Variants in NRK observed in about 807,000 individuals in gnomAD.
The protein encoded by NRK is nik-related protein kinase.
Under a neutral mutation model 125.2 loss-of-function variants are expected in NRK, and 67 were observed. The observed-to-expected ratio is 0.54, with a 90% CI of 0.44 to 0.66. The LOEUF is 0.66. Among genes scored for constraint, NRK ranks in the 30% least tolerant of loss-of-function variants. The pLI is 0.00. For missense variants in NRK, 1,224 were observed against 1,192.9 expected (o/e 1.03, Z -0.38); for synonymous variants, 458 against 429.0 (o/e 1.07, Z -0.84).
At chrX:105,947,442 C>CAA (rs753072138) in intron 26 of NRK, among the ~76,000 whole-genome samples, 25 of 17,594 alleles carry the variant, frequency 1.4e-3, no homozygotes, top group South Asian at 8.3e-3. Context: ...GACTCCGTCT[C>CAA]AAAAAAAAAA....
At chrX:105,840,832 T>C (rs900627790) in intron 2 of NRK, among the ~76,000 whole-genome samples, 1 of 106,607 alleles carries the variant, frequency 9.4e-6, no homozygotes, top group Non-Finnish European at 1.9e-5. Context: ...TATATATATG[T>C]ATGTATGTGT....
intron 4 of NRK, among the ~76,000 whole-genome samples, chrX:105,883,084 A>G (rs1346377375): frequency 8.9e-6 from 1 of 112,188 alleles, no homozygotes; most frequent in Non-Finnish European, 1.9e-5. Flanking sequence ...AAGCCAGGAA[A>G]TGCTGTAGCA....
chrX:105,880,260 T>C lies in NRK; in HGVS notation c.180+5T>C. ...AAAGTGATGAACGCTCGTAAGGTAA[T>C]ATTATAAATTGCCTGTATTCTCTTC... On this transcript the variant is annotated splice_donor_5th_base_variant and intron_variant, in intron 3 of 28. Coordinates refer to ENST00000243300, the MANE Select transcript of NRK (RefSeq NM_198465.4). The C allele has an allele frequency of 1.0e-6, 1 of 972,167 alleles. No homozygotes were observed. Among genetic ancestry groups the C allele is most frequent in the Non-Finnish European group, 1.4e-6 (1 of 720,665 alleles). The allele number at this position is 972,167 out of a possible 1,213,427, so 80.1% of individuals were successfully genotyped here. A position where few individuals can be genotyped will look rare whatever the true frequency, so the allele number is the denominator to read the frequency against.
Position 105,955,489 on chromosome X carries a change from T to G in NRK, c.4654-16T>G. On this transcript the variant is annotated splice_polypyrimidine_tract_variant and intron_variant, in intron 28 of 28. Transcript: ENST00000243300. ...TATTAAATATCTGTTGACAGTGTAT[T>G]TCTTTCTTTTTCAAGCTGTTCTTTA... 9.5e-7 allele frequency: 1 copy of G among 1,057,726 alleles called. No homozygotes were observed. Among genetic ancestry groups the G allele is most frequent in the Non-Finnish European group, 1.3e-6 (1 of 768,863 alleles). 87.2% of individuals were successfully genotyped at this position (1,057,726 alleles called of 1,213,427 possible). A position where few individuals can be genotyped will look rare whatever the true frequency, so the allele number is the denominator to read the frequency against.
chrX:105,856,899 A>G (rs1445240264), intron 2 of NRK, among the ~76,000 whole-genome samples: 1 of 110,803 alleles, frequency 9.0e-6, no homozygotes, highest in Non-Finnish European at 1.9e-5. Context: ...CAGGCATGTG[A>G]CCTCTCAATT....
At chrX:105,946,179 C>G (rs2040810194) in intron 25 of NRK, 136 bp from the exon 26 acceptor site, 5 of 728,224 alleles carry the variant, frequency 6.9e-6, no homozygotes, top group African/African-American at 2.2e-5. Flanking sequence ...ACACAGGTCT[C>G]TAAATACAAT....
chrX:105,893,647 G>A (rs887852222), intron 5 of NRK, among the ~76,000 whole-genome samples, 185 bp from the exon 6 acceptor site: 1 of 111,800 alleles, frequency 8.9e-6, no homozygotes, highest in South Asian at 3.7e-4. Context: ...CAAATCTTTG[G>A]TTTTAATCCA....
rs2039037955 is a variant in NRK at position 105,822,756 on chromosome X, C to T, written c.-90C>T. The T allele has an allele frequency of 2.3e-6, 2 of 879,357 alleles. No homozygotes were observed. Among genetic ancestry groups the T allele is most frequent in the Non-Finnish European group, 3.3e-6 (2 of 609,162 alleles). 72.5% of individuals were successfully genotyped at this position (879,357 alleles called of 1,213,427 possible). On this transcript the variant is annotated 5_prime_UTR_variant, in exon 1 of 29. Coordinates refer to ENST00000243300, the MANE Select transcript of NRK (RefSeq NM_198465.4). ...CCTCTCTCCCGCCCTCCTCCTTCCT[C>T]TCTCCTCCCTTCAACTCTTCATCCG...
rs1204777699 is a variant in NRK at position 105,907,942 on chromosome X, T to TCATTCTCCCTTTGTCC, written c.1022-290_1022-275dup. 6.7e-4 allele frequency: 103 copies of TCATTCTCCCTTTGTCC among 154,259 alleles called. No homozygotes were observed. In the Middle Eastern group the frequency reaches 0.012, roughly 18 times the overall value. 12.7% of individuals were successfully genotyped at this position (154,259 alleles called of 1,213,427 possible). ...ACCACTATTTAGAGTTTCTCTTGTCTCATTCTCCCTTTGTCCCATTCTCTC... is the reference window on the plus strand; with the variant it reads ...ACCACTATTTAGAGTTTCTCTTGTCTCATTCTCCCTTTGTCCCATTCTCCCTTTGTCCCATTCTCTC... On this transcript the variant is annotated intron_variant, in intron 11 of 28. Transcript: ENST00000243300.
At chrX:105,829,004 A>G (rs1272992439) in intron 1 of NRK, among the ~76,000 whole-genome samples, 1 of 112,126 alleles carries the variant, frequency 8.9e-6, no homozygotes, top group African/African-American at 3.2e-5. Context: ...TGCTTTTATC[A>G]ATTCAGTGGA....
intron 2 of NRK, among the ~76,000 whole-genome samples, chrX:105,835,419 T>C (rs1276147889): frequency 9.0e-6 from 1 of 111,082 alleles, no homozygotes; most frequent in African/African-American, 3.3e-5. Context: ...TATACTGCTA[T>C]TGCTTCTTAT....
At chrX:105,849,661 C>T (rs2039445806) in intron 2 of NRK, among the ~76,000 whole-genome samples, 1 of 111,381 alleles carries the variant, frequency 9.0e-6, no homozygotes, top group Admixed American at 9.5e-5. Context: ...AGAAATTGGC[C>T]AAAACACAGG....
At position 105,895,500 on chromosome X, in the gene NRK, C is replaced by A; in HGVS notation, c.557C>A (p.Thr186Asn). ...RDIKGQNVLLTHNAEVKLVDF... is the reference protein window; with the variant it reads ...RDIKGQNVLLNHNAEVKLVDF... The stretch of plus-strand genomic sequence containing the variant: ...ATCAAAGGTCAGAATGTGCTGCTGA[C>A]TCATAATGCTGAAGTAAAACTGGGT... Residue 186 changes from threonine (T) to asparagine (N), a missense_variant, in exon 7 of 29, where the codon ACT becomes AAT. Coordinates refer to ENST00000243300, the MANE Select transcript of NRK (RefSeq NM_198465.4). The A allele has an allele frequency of 8.4e-7, 1 of 1,191,942 alleles. No individual in the cohort carries two copies. The highest frequency in any genetic ancestry group is 1.7e-5 in the African/African-American group (1 of 57,415).
At chrX:105,895,114 C>G in intron 6 of NRK, 1 of 449,985 alleles carries the variant, frequency 2.2e-6, no homozygotes, top group Non-Finnish European at 3.8e-6. Context: ...CAGATCTTTA[C>G]TCTTATGGCT....
In NRK at chrX:105,937,566, G is replaced by T; in HGVS notation, c.3783G>T (p.Leu1261Phe). The T allele has an allele frequency of 1.7e-6, 2 of 1,196,796 alleles. No homozygotes were observed. The highest frequency in any genetic ancestry group is 1.1e-6 in the Non-Finnish European group (1 of 886,749). Residue 1261 changes from leucine to phenylalanine, a missense_variant, in exon 22 of 29, where the codon TTG becomes TTT. Transcript: ENST00000243300. The part of the protein sequence containing the change: ...RQIQVLEPLN[L>F]LITISGHKNR... ...TTCAAGTCTTAGAGCCACTCAATTT[G>T]CTGATTACCATCTCAGGTTTGTTTA... is the stretch of plus-strand genomic sequence containing the variant.
At chrX:105,862,579 G>C (rs2039616908) in intron 2 of NRK, among the ~76,000 whole-genome samples, 1 of 112,208 alleles carries the variant, frequency 8.9e-6, no homozygotes, top group Non-Finnish European at 1.9e-5. Flanking sequence ...ATTTTATTTT[G>C]GTTGAGATTA....
At chrX:105,946,162 C>A in intron 25 of NRK, 147 bp downstream of exon 25, 1 of 731,464 alleles carries the variant, frequency 1.4e-6, no homozygotes, top group Non-Finnish European at 2.0e-6. Flanking sequence ...CTAAGAAAAA[C>A]TGTAATACAC....
intron 9 of NRK, among the ~76,000 whole-genome samples, chrX:105,901,434 G>A (rs140347316): frequency 1.3e-4 from 14 of 111,516 alleles, no homozygotes; most frequent in African/African-American, 4.6e-4. Context: ...TGCATCTTTG[G>A]TATTGTTGGA....
chrX:105,859,899 A>C (rs1253421535), intron 2 of NRK, among the ~76,000 whole-genome samples: 1 of 111,594 alleles, frequency 9.0e-6, no homozygotes, highest in African/African-American at 3.3e-5. Context: ...AGAATAATAA[A>C]ACCAGTCAAT....
Sources: allele counts gnomAD v4.1 joint callset (sites outside exome capture counted in the v4.1 genomes callset), GRCh38; gene constraint gnomAD v4.1.1; transcripts MANE v1.5; gene names NCBI Gene and HGNC (gene_info 2026-07-23, HGNC 2026-07-21).